Variants in DMD observed in about 807,000 individuals in gnomAD.
DMD encodes mutant dystrophin.
Under a neutral mutation model 330.1 loss-of-function variants are expected in DMD, and 63 were observed. The observed-to-expected ratio is 0.19, with a 90% CI of 0.16 to 0.24. The LOEUF (loss-of-function observed/expected upper bound fraction) is 0.24, where lower values mean the gene tolerates loss of function less well. Ranked by LOEUF, DMD falls within the 10% of genes least tolerant of loss-of-function variation. DMD has a pLI of 1.00. For synonymous variants in DMD, 1,223 were observed against 959.8 expected, an observed-to-expected ratio of 1.27 and a Z score of -5.07; for missense variants, 3,344 against 2,684.1, an observed-to-expected ratio of 1.25 and a Z score of -5.43.
chrX:31,856,754 T>C (rs2093618681), intron 48 of DMD, among the ~76,000 whole-genome samples: 1 of 112,387 alleles, frequency 8.9e-6, no homozygotes, highest in Non-Finnish European at 1.9e-5. Context: ...GTATTTGTGT[T>C]ATCTCTCCAA....
At chrX:33,223,804 T>C (rs1397134028) in intron 1 of DMD, among the ~76,000 whole-genome samples, 1 of 111,895 alleles carries the variant, frequency 8.9e-6, no homozygotes, top group Non-Finnish European at 1.9e-5. Flanking sequence ...AGCCACAGAA[T>C]AGGAGAGAAT....
chrX:32,354,822 T>G (rs993352404), intron 37 of DMD, among the ~76,000 whole-genome samples: 1 of 111,460 alleles, frequency 9.0e-6, no homozygotes, highest in East Asian at 2.8e-4. Flanking sequence ...GCTTACACAT[T>G]TTAAAACTGG....
chrX:32,754,510 C>A (rs1296997489), intron 7 of DMD, among the ~76,000 whole-genome samples: 1 of 105,723 alleles, frequency 9.5e-6, no homozygotes, highest in African/African-American at 3.5e-5. Flanking sequence ...ACCATAGAAC[C>A]TTAGCCACTG....
chrX:31,280,387 A>C (rs2052521710), intron 62 of DMD, among the ~76,000 whole-genome samples: 1 of 111,702 alleles, frequency 9.0e-6, no homozygotes, highest in Non-Finnish European at 1.9e-5. Context: ...AATTCTTGAA[A>C]ATGCAAAGTA....
chrX:32,857,131 T>A (rs1382910660), intron 2 of DMD, among the ~76,000 whole-genome samples: 1 of 111,848 alleles, frequency 8.9e-6, no homozygotes, highest in East Asian at 2.8e-4. Context: ...GGATACATTC[T>A]TGAGGTGACA....
intron 44 of DMD, among the ~76,000 whole-genome samples, chrX:32,126,078 G>C (rs1270103420): frequency 1.8e-5 from 2 of 111,922 alleles, no homozygotes; most frequent in Non-Finnish European, 3.8e-5. Flanking sequence ...TCACACTTAC[G>C]GGTAGAGAGG....
intron 1 of DMD, among the ~76,000 whole-genome samples, chrX:33,170,051 C>G (rs1335279695): frequency 9.0e-6 from 1 of 111,279 alleles, no homozygotes; most frequent in African/African-American, 3.3e-5. Flanking sequence ...AGGTAATACT[C>G]AACTCATTGG....
chrX:31,903,025 A>G (rs1302125226), intron 47 of DMD, among the ~76,000 whole-genome samples: 1 of 111,583 alleles, frequency 9.0e-6, no homozygotes, highest in African/African-American at 3.2e-5. Context: ...CAACATTGCC[A>G]TTGTTTATCT....
chrX:32,292,497 C>T (rs369368429), intron 42 of DMD, among the ~76,000 whole-genome samples: 2 of 107,914 alleles, frequency 1.9e-5, no homozygotes, highest in Admixed American at 1.0e-4. Context: ...TTAGTAGAGA[C>T]GGGGTTTCAC....
chrX:32,653,843 G>C (rs958224533), intron 9 of DMD, among the ~76,000 whole-genome samples: 3 of 111,800 alleles, frequency 2.7e-5, no homozygotes, highest in African/African-American at 9.8e-5. Flanking sequence ...GTGAGCAGTG[G>C]TTTGTAGTTC....
At chrX:31,624,056 T>C (rs1477303620) in intron 55 of DMD, among the ~76,000 whole-genome samples, 1 of 111,750 alleles carries the variant, frequency 8.9e-6, no homozygotes, top group Non-Finnish European at 1.9e-5. Flanking sequence ...TGTCAACTCT[T>C]CTTAGGCCCA....
intron 4 of DMD, among the ~76,000 whole-genome samples, chrX:32,831,649 CGTGTGTGTGTGTGTGTGT>C (rs6151283): frequency 0.47 from 41,630 of 89,431 alleles, 7,342 homozygotes; most frequent in Admixed American, 0.53. Context: ...AAGATATTTA[CGTGTGTGTGTGTGTGTGT>C]GTGTGTGTGT....
chrX:31,328,474 T>TA (rs1450255036), intron 61 of DMD, among the ~76,000 whole-genome samples: 1 of 110,983 alleles, frequency 9.0e-6, no homozygotes, highest in Non-Finnish European at 1.9e-5. Context: ...CTTCCCCTGA[T>TA]AGACTGTAAA....
intron 21 of DMD, among the ~76,000 whole-genome samples, chrX:32,474,953 T>A (rs1170526094): frequency 8.9e-6 from 1 of 111,756 alleles, no homozygotes; most frequent in Non-Finnish European, 1.9e-5. Context: ...AGAAAGTTTT[T>A]TCCAATGTTA....
intron 21 of DMD, among the ~76,000 whole-genome samples, chrX:32,477,737 A>G (rs2041386791): frequency 9.0e-6 from 1 of 110,875 alleles, no homozygotes; most frequent in Non-Finnish European, 1.9e-5. Flanking sequence ...CTGAAAAAAA[A>G]AATCTCTCCT....
intron 1 of DMD, among the ~76,000 whole-genome samples, chrX:33,317,075 T>C (rs2053943125): frequency 9.0e-6 from 1 of 111,156 alleles, no homozygotes; most frequent in Non-Finnish European, 1.9e-5. Flanking sequence ...AAGTTCCTTC[T>C]AGCAATAATG....
intron 59 of DMD, among the ~76,000 whole-genome samples, chrX:31,452,144 G>C (rs1248625685): frequency 9.3e-6 from 1 of 107,553 alleles, no homozygotes; most frequent in Admixed American, 9.9e-5. Context: ...AAGAAATTTA[G>C]GGCTTTTATT....
intron 1 of DMD, among the ~76,000 whole-genome samples, chrX:33,318,581 G>A (rs184397587): frequency 9.8e-4 from 105 of 107,636 alleles, no homozygotes; most frequent in Non-Finnish European, 5.6e-4. Context: ...CCTAAAGTGT[G>A]CCACCATGCC....
intron 60 of DMD, among the ~76,000 whole-genome samples, chrX:31,381,537 C>T (rs1450101683): frequency 1.8e-5 from 2 of 111,806 alleles, no homozygotes; most frequent in African/African-American, 6.5e-5. Flanking sequence ...CCCACAATTA[C>T]CATTGTTCCT....
Sources: allele counts gnomAD v4.1 joint callset (sites outside exome capture counted in the v4.1 genomes callset), GRCh38; gene constraint gnomAD v4.1.1; transcripts MANE v1.5; gene names NCBI Gene and HGNC (gene_info 2026-07-23, HGNC 2026-07-21).